The following TPD52 variants were observed in gnomAD, a reference collection of about 807,000 sequenced individuals.
TPD52 encodes the protein tumor protein D52, also known as prostate and colon associated protein.
A neutral mutation model predicts 31.3 loss-of-function variants in TPD52; 17 were observed. That is an observed-to-expected ratio of 0.54 (90% CI 0.37 to 0.82). The LOEUF (loss-of-function observed/expected upper bound fraction) is 0.82, where lower values mean the gene tolerates loss of function less well. Among genes scored for constraint, TPD52 ranks in the 40% least tolerant of loss-of-function variants. The pLI is 0.00. For synonymous variants in TPD52, 83 were observed against 89.6 expected, an observed-to-expected ratio of 0.93 and a Z score of 0.42; for missense variants, 212 against 240.1, an observed-to-expected ratio of 0.88 and a Z score of 0.77.
intron 1 of TPD52, among the ~76,000 whole-genome samples, chr8:80,163,650 G>A (rs1811511225): frequency 1.3e-5 from 2 of 152,154 alleles, no homozygotes; most frequent in African/African-American, 4.8e-5. Context: ...AGAGGGCATT[G>A]ACAGTTATGT....
At chr8:80,125,218 C>T (rs1808520022) in intron 1 of TPD52, among the ~76,000 whole-genome samples, 1 of 152,208 alleles carries the variant, frequency 6.6e-6, no homozygotes, top group South Asian at 2.1e-4. Flanking sequence ...ACGCCATAAT[C>T]CCAGCACTTT....
At chr8:80,106,623 TG>T (rs1807135712) in intron 1 of TPD52, among the ~76,000 whole-genome samples, 2 of 151,684 alleles carry the variant, frequency 1.3e-5, no homozygotes, top group African/African-American at 4.8e-5. Flanking sequence ...CCCAAAGTGC[TG>T]GGATTACAGA....
At chr8:80,069,196 G>A (rs1358793596) in intron 1 of TPD52, among the ~76,000 whole-genome samples, 1 of 152,186 alleles carries the variant, frequency 6.6e-6, no homozygotes, top group Non-Finnish European at 1.5e-5. Flanking sequence ...AGGCACAGTG[G>A]TTCATACCTG....
At chr8:80,155,642 G>C (rs920597584) in intron 1 of TPD52, among the ~76,000 whole-genome samples, 4 of 152,222 alleles carry the variant, frequency 2.6e-5, no homozygotes, top group Admixed American at 6.5e-5. Context: ...TCAGCACTTT[G>C]AGAGGCCGAG....
chr8:80,077,634 A>G (rs139554637), intron 1 of TPD52, among the ~76,000 whole-genome samples: 1 of 152,370 alleles, frequency 6.6e-6, no homozygotes, highest in African/African-American at 2.4e-5. Context: ...TGCTAGTCCT[A>G]TCTTAGCCTA....
At chr8:80,054,450 C>T (rs986687275) in intron 2 of TPD52, among the ~76,000 whole-genome samples, 16 of 152,056 alleles carry the variant, frequency 1.1e-4, no homozygotes, top group African/African-American at 2.9e-4. Flanking sequence ...GAAATAGACA[C>T]CATGTGGAAG....
At chr8:80,167,220 A>C (rs746082223) in intron 1 of TPD52, among the ~76,000 whole-genome samples, 11 of 152,222 alleles carry the variant, frequency 7.2e-5, no homozygotes, top group Admixed American at 2.0e-4. Flanking sequence ...AAATTTGGGA[A>C]TGTCTCAGAA....
chr8:80,079,694 C>G (rs1262264595), intron 1 of TPD52, among the ~76,000 whole-genome samples: 1 of 152,156 alleles, frequency 6.6e-6, no homozygotes, highest in Non-Finnish European at 1.5e-5. Flanking sequence ...CTGCTTCTGG[C>G]TTTCTGCTGC....
intron 1 of TPD52, among the ~76,000 whole-genome samples, chr8:80,169,775 T>C (rs904054619): frequency 5.3e-5 from 8 of 152,176 alleles, no homozygotes; most frequent in African/African-American, 1.7e-4. Context: ...AATGCTGACT[T>C]ACATGGTGGC....
At chr8:80,133,943 C>G (rs1169812518) in intron 1 of TPD52, among the ~76,000 whole-genome samples, 3 of 152,080 alleles carry the variant, frequency 2.0e-5, no homozygotes, top group African/African-American at 7.2e-5. Context: ...ATACAGAGGA[C>G]TAGAAGTCAC....
intron 1 of TPD52, among the ~76,000 whole-genome samples, chr8:80,133,576 C>T (rs1809178892): frequency 6.6e-6 from 1 of 152,116 alleles, no homozygotes; most frequent in African/African-American, 2.4e-5. Flanking sequence ...TTGACCCACC[C>T]ACTCACTGAG....
intron 1 of TPD52, chr8:80,064,802 T>C (rs1233040610): frequency 1.5e-6 from 1 of 685,384 alleles, no homozygotes; most frequent in Non-Finnish European, 2.7e-6. Flanking sequence ...TCTGCCAAAA[T>C]ATGAATTTAG....
At chr8:80,151,687 C>A (rs567157352) in intron 1 of TPD52, among the ~76,000 whole-genome samples, 1 of 152,304 alleles carries the variant, frequency 6.6e-6, no homozygotes, top group East Asian at 1.9e-4. Context: ...TTGTTGTTAA[C>A]CAATCAGCTT....
At chr8:80,114,393 C>T (rs1316729316) in intron 1 of TPD52, among the ~76,000 whole-genome samples, 5 of 152,168 alleles carry the variant, frequency 3.3e-5, no homozygotes, top group Non-Finnish European at 7.3e-5. Flanking sequence ...TTGACTGCCT[C>T]CTCAACTAAA....
intron 4 of TPD52, chr8:80,051,316 A>C: frequency 1.8e-6 from 1 of 559,580 alleles, no homozygotes; most frequent in Non-Finnish European, 3.1e-6. Flanking sequence ...CAACAACCTT[A>C]AATGATCATC....
At chr8:80,086,406 C>G (rs1047704998) in intron 1 of TPD52, among the ~76,000 whole-genome samples, 1 of 151,766 alleles carries the variant, frequency 6.6e-6, no homozygotes, top group Non-Finnish European at 1.5e-5. Context: ...TGTGAGCCAC[C>G]GAGCCTGACC....
intron 1 of TPD52, among the ~76,000 whole-genome samples, chr8:80,100,693 G>C (rs911559925): frequency 6.6e-6 from 1 of 152,224 alleles, no homozygotes; most frequent in Non-Finnish European, 1.5e-5. Context: ...TAGTAAGCTG[G>C]AGACCCAGAA....
intron 1 of TPD52, among the ~76,000 whole-genome samples, chr8:80,141,308 G>C (rs1277518584): frequency 6.6e-6 from 1 of 152,090 alleles, no homozygotes; most frequent in Non-Finnish European, 1.5e-5. Flanking sequence ...TCACACCTCT[G>C]GGTAGGCCCC....
downstream of TPD52, among the ~76,000 whole-genome samples, chr8:80,034,304 T>C (rs1453944574): frequency 2.0e-5 from 3 of 151,674 alleles, no homozygotes; most frequent in African/African-American, 7.3e-5. Flanking sequence ...GAGCTGCAGC[T>C]GGGTGGCTGC....
Sources: gnomAD v4.1 joint callset for allele counts (sites outside exome capture counted in the v4.1 genomes callset) on GRCh38, gnomAD v4.1.1 for gene constraint, MANE v1.5 for transcripts, NCBI Gene and HGNC (gene_info 2026-07-23, HGNC 2026-07-21) for gene names.